AMOTL1: variants seen among roughly 807,000 people sequenced by gnomAD.
AMOTL1 encodes angiomotin like 1.
AMOTL1 carries 45 observed loss-of-function variants against 102.9 expected under a neutral mutation model. That is an observed-to-expected ratio of 0.44 (90% CI 0.34 to 0.56). The LOEUF (loss-of-function observed/expected upper bound fraction) is 0.56, where lower values mean the gene tolerates loss of function less well. Among genes scored for constraint, AMOTL1 ranks in the 20% least tolerant of loss-of-function variants. The pLI is 0.01. For synonymous variants in AMOTL1, 481 were observed against 484.7 expected (o/e 0.99, Z 0.10); for missense variants, 1,114 against 1,225.6 (o/e 0.91, Z 1.36).
rs1268640458 is a variant in AMOTL1, at chr11:94,872,154, A to G, written c.*1359A>G. 1 of 152,182 alleles carries G rather than the reference A, an allele frequency of 6.6e-6. No homozygotes were observed. The highest frequency in any genetic ancestry group is 2.4e-5 in the African/African-American group (1 of 41,406). The allele number at this position is 152,182 out of a possible 1,614,324, so 9.4% of individuals were successfully genotyped here. On this transcript the variant is annotated 3_prime_UTR_variant, in exon 13 of 13. Coordinates refer to ENST00000433060, the MANE Select transcript of AMOTL1 (RefSeq NM_130847.3). ...AAAGTGAGACAGAAGTGCCACGGAA[A>G]AGAGGCAGGAGTGTGTTAGGTGGTG...
chr11:94,769,492 C>G (rs1373704968), intron 1 of AMOTL1, among the ~76,000 whole-genome samples: 2 of 152,212 alleles, frequency 1.3e-5, no homozygotes, highest in Non-Finnish European at 2.9e-5. Context: ...AGCCCCAGGC[C>G]GAGAATCCCG....
intron 3 of AMOTL1, among the ~76,000 whole-genome samples, chr11:94,804,193 C>A (rs1271572167): frequency 6.6e-6 from 1 of 152,204 alleles, no homozygotes; most frequent in African/African-American, 2.4e-5. Flanking sequence ...TGCCAGAAAA[C>A]CTTGTAAAAA....
At chr11:94,765,913 T>G (rs1950849993), upstream of AMOTL1, among the ~76,000 whole-genome samples, 2 of 152,222 alleles carry the variant, frequency 1.3e-5, no homozygotes, top group Non-Finnish European at 1.5e-5. Flanking sequence ...TGTTCCTTGT[T>G]TCCTCTTGCC....
intron 3 of AMOTL1, among the ~76,000 whole-genome samples, chr11:94,805,453 G>C (rs1951552166): frequency 6.6e-6 from 1 of 152,074 alleles, no homozygotes; most frequent in Non-Finnish European, 1.5e-5. Flanking sequence ...GTTTTCTTTA[G>C]ATATTTTTAT....
chr11:94,791,593 A>C (rs11826009), intron 1 of AMOTL1, among the ~76,000 whole-genome samples: 4,073 of 152,266 alleles, frequency 0.027, 171 homozygotes, highest in African/African-American at 0.094. Context: ...CTGTAAAGCC[A>C]GGGGGGTCCT....
chr11:94,816,751 A>G (rs2135613958), intron 3 of AMOTL1, among the ~76,000 whole-genome samples: 1 of 152,324 alleles, frequency 6.6e-6, no homozygotes. Context: ...AAACCCTGAC[A>G]GCAGTTAAAA....
intron 2 of AMOTL1, among the ~76,000 whole-genome samples, chr11:94,732,056 A>T (rs1020867498): frequency 6.6e-6 from 1 of 152,190 alleles, no homozygotes; most frequent in Non-Finnish European, 1.5e-5. Flanking sequence ...GCTTCAAAGC[A>T]TCTTTCCTCG....
intron 3 of AMOTL1, among the ~76,000 whole-genome samples, chr11:94,745,558 G>T (rs1034889189): frequency 1.3e-5 from 2 of 152,124 alleles, no homozygotes; most frequent in African/African-American, 4.8e-5. Context: ...TTATTATGTT[G>T]TGTCATCACA....
chr11:94,872,325 G>C lies in AMOTL1; in HGVS notation c.*1530G>C, dbSNP rs1194261971. ...GCTCCTACAGGGTCCTGATGTTTTT[G>C]TACCTCCAGGTCAGCTGGATCGCTG... On this transcript the variant is annotated 3_prime_UTR_variant, in exon 13 of 13. Coordinates refer to ENST00000433060, the MANE Select transcript of AMOTL1 (RefSeq NM_130847.3). 3.9e-5 allele frequency: 6 copies of C among 152,126 alleles called. No individual in the cohort carries two copies. The highest frequency in any genetic ancestry group is 1.2e-4 in the African/African-American group (5 of 41,412). The allele number at this position is 152,126 out of a possible 1,614,324, so 9.4% of individuals were successfully genotyped here.
chr11:94,768,346 C>T (rs1950884131), upstream of AMOTL1: 1 of 1,364,384 alleles, frequency 7.3e-7, no homozygotes, highest in South Asian at 1.7e-5. Context: ...GGAGCGCGGA[C>T]GGCGGCGGGA....
intron 3 of AMOTL1, among the ~76,000 whole-genome samples, chr11:94,758,472 C>A (rs1950754226): frequency 6.6e-6 from 1 of 152,144 alleles, no homozygotes; most frequent in South Asian, 2.1e-4. Context: ...AAAAAGCAAG[C>A]TTTAGCTTGT....
At chr11:94,815,474 ATTAG>A (rs986801145) in intron 3 of AMOTL1, among the ~76,000 whole-genome samples, 11 of 152,246 alleles carry the variant, frequency 7.2e-5, no homozygotes, top group African/African-American at 2.6e-4. Context: ...TGAAAAAACA[ATTAG>A]TTAGATAAAT....
intron 2 of AMOTL1, among the ~76,000 whole-genome samples, chr11:94,739,954 G>GA (rs1176084969): frequency 2.6e-5 from 4 of 152,186 alleles, no homozygotes; most frequent in African/African-American, 9.7e-5. Context: ...TTCTGTATTT[G>GA]AAAGCAGTCA....
intron 2 of AMOTL1, among the ~76,000 whole-genome samples, chr11:94,734,022 AAATTT>A (rs924295376): frequency 1.2e-3 from 188 of 152,340 alleles, no homozygotes; most frequent in African/African-American, 4.3e-3. Context: ...GGAATGGGAC[AAATTT>A]AATTTATTTA....
chr11:94,768,612 C>A, intron 1 of AMOTL1, 52 bp downstream of exon 1: 2 of 1,561,062 alleles, frequency 1.3e-6, no homozygotes, highest in East Asian at 2.4e-5. Flanking sequence ...GTCTCCCACG[C>A]GAAGAACCCA....
intron 3 of AMOTL1, among the ~76,000 whole-genome samples, chr11:94,759,475 C>G (rs1441260864): frequency 6.6e-6 from 1 of 151,634 alleles, no homozygotes; most frequent in Non-Finnish European, 1.5e-5. Context: ...TTTCTGCTCA[C>G]CATATATGGA....
chr11:94,723,109 G>A (rs115657000), intron 1 of AMOTL1, among the ~76,000 whole-genome samples: 71 of 152,264 alleles, frequency 4.7e-4, no homozygotes, highest in African/African-American at 1.6e-3. Flanking sequence ...TTTCTCAGCT[G>A]TAGGTATGTC....
At chr11:94,795,194 GC>G in intron 2 of AMOTL1, 34 bp downstream of exon 2, 1 of 1,609,756 alleles carries the variant, frequency 6.2e-7, no homozygotes, top group Non-Finnish European at 8.5e-7. Flanking sequence ...TGTTGGAAAA[GC>G]AAAATGATCT....
chr11:94,864,352 C>T (rs2135736004), intron 9 of AMOTL1, among the ~76,000 whole-genome samples: 1 of 152,184 alleles, frequency 6.6e-6, no homozygotes, highest in Admixed American at 6.5e-5. Context: ...TAGCTACATA[C>T]ATAATGTAGT....
Sources: allele counts gnomAD v4.1 joint callset (sites outside exome capture counted in the v4.1 genomes callset), GRCh38; gene constraint gnomAD v4.1.1; transcripts MANE v1.5; gene names NCBI Gene and HGNC (gene_info 2026-07-23, HGNC 2026-07-21).